The following FHIP2A variants were observed in gnomAD, a reference collection of about 807,000 sequenced individuals.
FHIP2A encodes FHF complex subunit HOOK interacting protein 2A, also known as family with sequence similarity 160 member B1.
FHIP2A carries 46 observed loss-of-function variants against 93.5 expected under a neutral mutation model. That is an observed-to-expected ratio of 0.49 (90% CI 0.39 to 0.63). The LOEUF is 0.63. Among genes scored for constraint, FHIP2A ranks in the 20% least tolerant of loss-of-function variants. FHIP2A has a pLI of 0.00. For missense variants in FHIP2A, 769 were observed against 909.7 expected, an observed-to-expected ratio of 0.85 and a Z score of 1.99; for synonymous variants, 332 against 326.5, an observed-to-expected ratio of 1.02 and a Z score of -0.18.
At chr10:114,850,640 C>T (rs2083729239) in intron 13 of FHIP2A, among the ~76,000 whole-genome samples, 1 of 152,176 alleles carries the variant, frequency 6.6e-6, no homozygotes, top group Admixed American at 6.5e-5. Flanking sequence ...TTTAAGGCTA[C>T]AGTGAGCTAT....
intron 16 of FHIP2A, among the ~76,000 whole-genome samples, chr10:114,870,530 G>A (rs17092542): frequency 0.32 from 48,466 of 151,938 alleles, 8,322 homozygotes; most frequent in South Asian, 0.39. Context: ...CCTGCTTGGA[G>A]TGTAAAAAAC....
intron 16 of FHIP2A, among the ~76,000 whole-genome samples, chr10:114,879,001 T>G (rs766974425): frequency 6.9e-4 from 105 of 152,110 alleles, no homozygotes; most frequent in Non-Finnish European, 1.2e-3. Context: ...AATAGTAATA[T>G]TTGCTACATT....
intron 16 of FHIP2A, among the ~76,000 whole-genome samples, chr10:114,892,994 C>T (rs912988541): frequency 4.6e-5 from 7 of 151,988 alleles, no homozygotes; most frequent in Non-Finnish European, 1.0e-4. Flanking sequence ...AGAGGGGTAG[C>T]TTATGGATGT....
intron 16 of FHIP2A, among the ~76,000 whole-genome samples, chr10:114,886,101 C>CAGG (rs1165547866): frequency 1.3e-5 from 2 of 152,076 alleles, no homozygotes; most frequent in Non-Finnish European, 2.9e-5. Flanking sequence ...ACTACAGTAA[C>CAGG]AGGAGGAGGA....
chr10:114,852,708 A>G (rs1045109450), intron 13 of FHIP2A, among the ~76,000 whole-genome samples: 2 of 152,216 alleles, frequency 1.3e-5, no homozygotes, highest in Non-Finnish European at 2.9e-5. Context: ...GATTAATCTC[A>G]TTGAAGTGTG....
chr10:114,837,266 G>A (rs1316726205), intron 5 of FHIP2A, among the ~76,000 whole-genome samples: 1 of 152,170 alleles, frequency 6.6e-6, no homozygotes, highest in Non-Finnish European at 1.5e-5. Flanking sequence ...TGTAATCCCA[G>A]CATTTTGGGA....
intron 1 of FHIP2A, among the ~76,000 whole-genome samples, chr10:114,824,892 A>G (rs2083564423): frequency 6.6e-6 from 1 of 152,228 alleles, no homozygotes; most frequent in Non-Finnish European, 1.5e-5. Context: ...GGATGCTGAC[A>G]TGAGCTTTTT....
At chr10:114,869,776 G>A (rs1408803036) in intron 16 of FHIP2A, among the ~76,000 whole-genome samples, 3 of 152,096 alleles carry the variant, frequency 2.0e-5, no homozygotes, top group Admixed American at 6.5e-5. Context: ...AAATGCAAAC[G>A]TGCATAGCAA....
chr10:114,879,672 A>G (rs1376505251), intron 16 of FHIP2A, among the ~76,000 whole-genome samples: 1 of 152,112 alleles, frequency 6.6e-6, no homozygotes, highest in African/African-American at 2.4e-5. Context: ...TTGGTTTTGC[A>G]GAGGGACGGG....
rs1230073504 is a variant in FHIP2A at position 114,822,065 on chromosome 10, A to T, written c.-14A>T. The T allele has an allele frequency of 3.1e-6, 4 of 1,305,686 alleles. No homozygotes were observed. The allele number at this position is 1,305,686 out of a possible 1,614,324, so 80.9% of individuals were successfully genotyped here. A position where few individuals can be genotyped will look rare whatever the true frequency, so the allele number is the denominator to read the frequency against. On this transcript the variant is annotated 5_prime_UTR_variant, in exon 1 of 17. Transcript: ENST00000369248. ...AGGTCGTCCCGGGAGAGGCTGCTGC[A>T]GTCCCGGGACAGGATGTTCTCCAAG... is the stretch of plus-strand genomic sequence containing the variant.
chr10:114,855,779 A>G (rs2083763065), intron 14 of FHIP2A, among the ~76,000 whole-genome samples: 1 of 152,236 alleles, frequency 6.6e-6, no homozygotes, highest in Non-Finnish European at 1.5e-5. Flanking sequence ...CTCTTTAGAC[A>G]AAGCTTGTAA....
intron 14 of FHIP2A, among the ~76,000 whole-genome samples, chr10:114,855,701 T>C (rs1358975326): frequency 1.3e-5 from 2 of 152,208 alleles, no homozygotes; most frequent in Non-Finnish European, 2.9e-5. Context: ...AGACCTTAAA[T>C]GTCATTTCAG....
At chr10:114,898,922 A>G (rs1485841601) in intron 16 of FHIP2A, among the ~76,000 whole-genome samples, 1 of 151,614 alleles carries the variant, frequency 6.6e-6, no homozygotes, top group African/African-American at 2.4e-5. Flanking sequence ...TGGTCATAAC[A>G]TTTGTTTTGG....
At chr10:114,880,170 C>T (rs1372193888) in intron 16 of FHIP2A, among the ~76,000 whole-genome samples, 1 of 152,154 alleles carries the variant, frequency 6.6e-6, no homozygotes, top group Non-Finnish European at 1.5e-5. Flanking sequence ...TCTATACAGA[C>T]AGGAAGTAAA....
At chr10:114,855,012 A>C (rs1387907905) in intron 13 of FHIP2A, among the ~76,000 whole-genome samples, 185 bp from the exon 14 acceptor site, 1 of 152,200 alleles carries the variant, frequency 6.6e-6, no homozygotes, top group Non-Finnish European at 1.5e-5. Context: ...AGTTAATATA[A>C]TCTTACCTGT....
intron 13 of FHIP2A, among the ~76,000 whole-genome samples, chr10:114,848,980 T>TA (rs2083718416): frequency 6.6e-6 from 1 of 151,404 alleles, no homozygotes; most frequent in Non-Finnish European, 1.5e-5. Flanking sequence ...CCGTCTCTAC[T>TA]AAAATACAAA....
chr10:114,866,654 C>T (rs1356683547), downstream of FHIP2A, among the ~76,000 whole-genome samples: 4 of 152,114 alleles, frequency 2.6e-5, no homozygotes, highest in South Asian at 2.1e-4. Context: ...AAAATGATTT[C>T]GGCCCTAAAG....
chr10:114,832,851 A>G (rs1050892697), intron 2 of FHIP2A, among the ~76,000 whole-genome samples: 5 of 151,576 alleles, frequency 3.3e-5, no homozygotes, highest in African/African-American at 9.7e-5. Flanking sequence ...GGCTGGAATC[A>G]CAGGCGCCTG....
chr10:114,860,426 C>T (rs1291255168), intron 14 of FHIP2A, among the ~76,000 whole-genome samples: 1 of 152,098 alleles, frequency 6.6e-6, no homozygotes, highest in Admixed American at 6.6e-5. Flanking sequence ...GATCTCGGCC[C>T]ACTGCAACCT....
Sources: allele counts gnomAD v4.1 joint callset (sites outside exome capture counted in the v4.1 genomes callset), GRCh38; gene constraint gnomAD v4.1.1; transcripts MANE v1.5; gene names NCBI Gene and HGNC (gene_info 2026-07-23, HGNC 2026-07-21).